OPHN1: variants seen among roughly 807,000 people sequenced by gnomAD.
OPHN1 encodes oligophrenin-1.
OPHN1 carries 11 observed loss-of-function variants against 60.7 expected under a neutral mutation model. The ratio of observed to expected loss-of-function variants is 0.18; its 90% CI spans 0.11 to 0.30. The LOEUF (loss-of-function observed/expected upper bound fraction) is 0.30, where lower values mean the gene tolerates loss of function less well. Among genes scored for constraint, OPHN1 ranks in the 10% least tolerant of loss-of-function variants. The pLI, the probability that OPHN1 is intolerant of heterozygous loss-of-function variation, is 1.00. For missense variants in OPHN1, 449 were observed against 611.0 expected (o/e 0.73, Z 2.80); for synonymous variants, 226 against 222.6 (o/e 1.02, Z -0.14).
intron 15 of OPHN1, among the ~76,000 whole-genome samples, chrX:68,147,935 T>C (rs1422306744): frequency 8.9e-6 from 1 of 111,944 alleles, no homozygotes; most frequent in Non-Finnish European, 1.9e-5. Context: ...TGAGCTCCTA[T>C]GCTTTTGACT....
chrX:68,362,129 A>G (rs2078476115), intron 2 of OPHN1, among the ~76,000 whole-genome samples: 2 of 112,141 alleles, frequency 1.8e-5, no homozygotes, highest in South Asian at 3.7e-4. Context: ...AACTCTTATC[A>G]TATGTATGGT....
intron 10 of OPHN1, 104 bp from the exon 11 acceptor site, chrX:68,201,814 G>T: frequency 1.6e-6 from 1 of 618,094 alleles, no homozygotes; most frequent in Non-Finnish European, 2.7e-6. Flanking sequence ...GTCTGGTCAA[G>T]GCAGCAGGAG....
intron 6 of OPHN1, among the ~76,000 whole-genome samples, chrX:68,223,691 T>C (rs1360108966): frequency 9.0e-6 from 1 of 110,810 alleles, no homozygotes; most frequent in East Asian, 2.8e-4. Context: ...CCTAAACCTA[T>C]TGAAATAACA....
chrX:68,407,341 T>C (rs1233665895), intron 2 of OPHN1, among the ~76,000 whole-genome samples: 2 of 112,461 alleles, frequency 1.8e-5, no homozygotes, highest in South Asian at 3.6e-4. Flanking sequence ...TTTGCTCATA[T>C]GGTAAAATAG....
chrX:68,414,839 A>G (rs2078786250), intron 2 of OPHN1, among the ~76,000 whole-genome samples: 1 of 112,116 alleles, frequency 8.9e-6, no homozygotes, highest in African/African-American at 3.2e-5. Context: ...GACAGAGAAT[A>G]TGCTGAAACC....
At chrX:68,287,224 G>A (rs2078047784) in intron 3 of OPHN1, among the ~76,000 whole-genome samples, 1 of 95,080 alleles carries the variant, frequency 1.1e-5, no homozygotes, top group African/African-American at 4.2e-5. Context: ...GGGAAGAAAG[G>A]AAAGAAGGAA....
chrX:68,252,923 T>A (rs560440345), intron 5 of OPHN1, among the ~76,000 whole-genome samples: 2 of 110,959 alleles, frequency 1.8e-5, no homozygotes, highest in African/African-American at 6.6e-5. Flanking sequence ...TGGGGAGTTT[T>A]TTTTTAGAGG....
In OPHN1 at chrX:68,353,650, C is replaced by T. The variant is rs753945570; in HGVS notation, c.155-54554G>A. ...TGTTTCCTACTTAAAATGACAAATG[C>T]TTTTGTAGAATATTAAAGCATAATA... On this transcript the variant is annotated intron_variant, in intron 2 of 24. Transcript: ENST00000355520. Among the ~76,000 whole-genome samples the T allele has an allele frequency of 1.6e-4, 18 of 110,994 alleles. No homozygotes were observed. The East Asian group carries it at 5.1e-3, about 31-fold the overall frequency.
At chrX:68,109,148 T>C (rs990303884) in intron 18 of OPHN1, among the ~76,000 whole-genome samples, 7 of 111,120 alleles carry the variant, frequency 6.3e-5, no homozygotes, top group Non-Finnish European at 1.1e-4. Context: ...CTCATACTCA[T>C]TATCAATTAC....
At chrX:68,076,927 C>T (rs1404597533) in intron 19 of OPHN1, among the ~76,000 whole-genome samples, 2 of 111,669 alleles carry the variant, frequency 1.8e-5, no homozygotes, top group South Asian at 3.8e-4. Flanking sequence ...TGCATTATTC[C>T]GTTTATACAA....
At chrX:68,427,443 T>C (rs2078865870) in intron 2 of OPHN1, among the ~76,000 whole-genome samples, 1 of 110,698 alleles carries the variant, frequency 9.0e-6, no homozygotes, top group African/African-American at 3.3e-5. Flanking sequence ...ATGCAAAACA[T>C]AGTAAGTCAT....
intron 6 of OPHN1, among the ~76,000 whole-genome samples, chrX:68,230,829 G>T (rs973104785): frequency 4.6e-5 from 5 of 108,080 alleles, no homozygotes; most frequent in African/African-American, 6.7e-5. Flanking sequence ...TGAGTTAATG[G>T]GTGCAGCACA....
At chrX:68,355,190 T>C (rs760147285) in intron 2 of OPHN1, among the ~76,000 whole-genome samples, 58 of 112,819 alleles carry the variant, frequency 5.1e-4, no homozygotes, top group African/African-American at 1.8e-3. Flanking sequence ...AAGGAAAATC[T>C]TTCTAGTTGT....
intron 5 of OPHN1, among the ~76,000 whole-genome samples, chrX:68,262,744 G>A (rs930815869): frequency 4.5e-5 from 5 of 111,750 alleles, no homozygotes; most frequent in Admixed American, 9.5e-5. Context: ...CTGAGATCAC[G>A]TCATTGCACT....
intron 2 of OPHN1, among the ~76,000 whole-genome samples, chrX:68,316,878 C>T (rs1429182876): frequency 4.5e-5 from 5 of 111,955 alleles, no homozygotes; most frequent in Non-Finnish European, 9.4e-5. Flanking sequence ...AGAATGTGGA[C>T]ACCTTTGAAG....
chrX:68,077,809 T>C (rs1406966372), intron 19 of OPHN1, among the ~76,000 whole-genome samples: 1 of 112,092 alleles, frequency 8.9e-6, no homozygotes, highest in Non-Finnish European at 1.9e-5. Context: ...TTAGTTTGAT[T>C]TTTTAAAACA....
At chrX:68,352,020 T>G (rs1184152875) in intron 2 of OPHN1, among the ~76,000 whole-genome samples, 1 of 107,784 alleles carries the variant, frequency 9.3e-6, no homozygotes, top group Admixed American at 1.0e-4. Context: ...GGGACTACAG[T>G]TGCCCGCCAC....
intron 15 of OPHN1, among the ~76,000 whole-genome samples, chrX:68,120,317 T>C (rs1302506804): frequency 8.9e-6 from 1 of 111,785 alleles, no homozygotes; most frequent in Non-Finnish European, 1.9e-5. Context: ...AGAGTAATGT[T>C]TAGCCTCTAT....
chrX:68,328,004 T>C (rs1199064802), intron 2 of OPHN1, among the ~76,000 whole-genome samples: 1 of 98,754 alleles, frequency 1.0e-5, no homozygotes, highest in African/African-American at 3.9e-5. Context: ...TAATTTTTTG[T>C]ATTTTTAGTA....
Sources: allele counts gnomAD v4.1 joint callset (sites outside exome capture counted in the v4.1 genomes callset), GRCh38; gene constraint gnomAD v4.1.1; transcripts MANE v1.5; gene names NCBI Gene and HGNC (gene_info 2026-07-23, HGNC 2026-07-21).